CORO1C: variants seen among roughly 807,000 people sequenced by gnomAD.
CORO1C encodes coronin 1C, also known as coronin-1C.
CORO1C carries 14 observed loss-of-function variants against 51.2 expected under a neutral mutation model. That is an observed-to-expected ratio of 0.27 (90% CI 0.18 to 0.43). The LOEUF (loss-of-function observed/expected upper bound fraction) is 0.43, where lower values mean the gene tolerates loss of function less well. Among genes scored for constraint, CORO1C ranks in the 20% least tolerant of loss-of-function variants. The pLI, the probability that CORO1C is intolerant of heterozygous loss-of-function variation, is 1.00. For missense variants in CORO1C, 417 were observed against 607.8 expected (o/e 0.69, Z 3.30); for synonymous variants, 181 against 210.5 (o/e 0.86, Z 1.21).
At chr12:108,657,551 T>G in intron 5 of CORO1C, 128 bp from the exon 6 acceptor site, 1 of 920,464 alleles carries the variant, frequency 1.1e-6, no homozygotes, top group South Asian at 1.6e-5. Flanking sequence ...GGGAGGTCAG[T>G]GTTAACCATC....
intron 2 of CORO1C, among the ~76,000 whole-genome samples, chr12:108,683,203 A>G (rs1292886075): frequency 2.6e-5 from 4 of 152,162 alleles, no homozygotes; most frequent in African/African-American, 9.7e-5. Flanking sequence ...GCAGATCATG[A>G]GGTTAGGAGT....
intron 3 of CORO1C, 47 bp from the exon 4 acceptor site, chr12:108,662,205 T>C (rs2033294997): frequency 6.4e-7 from 1 of 1,567,596 alleles, no homozygotes. Flanking sequence ...CTATTGCCTT[T>C]CATTATCACA....
intron 1 of CORO1C, among the ~76,000 whole-genome samples, chr12:108,706,514 C>A (rs1257018255): frequency 4.6e-5 from 7 of 152,186 alleles, no homozygotes; most frequent in Non-Finnish European, 1.0e-4. Context: ...AAGACATGAT[C>A]TTATATACAG....
chr12:108,719,098 T>C (rs2136885067), intron 1 of CORO1C, among the ~76,000 whole-genome samples: 1 of 152,270 alleles, frequency 6.6e-6, no homozygotes, highest in Non-Finnish European at 1.5e-5. Flanking sequence ...CCAAATCCAT[T>C]TTCCTTCCAA....
rs748283648 is a variant in CORO1C at position 108,652,373 on chromosome 12, C to A, written c.900G>T (p.Pro300=). The part of the protein sequence containing the change: ...IRYFEITDES[P]YVHYLNTFSS... ...TGAATGTGTTGAGGTAGTGGACGTA[C>A]GGGGATTCATCCGTGATCTCAAAAT... The change falls in exon 8 of 11, where the codon CCG becomes CCT. Residue 300 remains proline, a synonymous_variant. Transcript: ENST00000261401. The A allele has an allele frequency of 1.2e-6, 2 of 1,613,670 alleles. No individual in the cohort carries two copies. The highest frequency in any genetic ancestry group is 2.2e-5 in the East Asian group (1 of 44,878).
intron 1 of CORO1C, among the ~76,000 whole-genome samples, chr12:108,711,578 G>A (rs2035181184): frequency 6.6e-6 from 1 of 151,744 alleles, no homozygotes; most frequent in Non-Finnish European, 1.5e-5. Context: ...TATTCGGGAG[G>A]CTAAGGTAGG....
intron 4 of CORO1C, among the ~76,000 whole-genome samples, chr12:108,660,053 G>A (rs887590987): frequency 2.0e-5 from 3 of 152,172 alleles, no homozygotes; most frequent in South Asian, 2.1e-4. Flanking sequence ...AGCAAAATAC[G>A]GGAAGGACAT....
At chr12:108,660,583 T>G (rs1201350509) in intron 4 of CORO1C, among the ~76,000 whole-genome samples, 2 of 151,792 alleles carry the variant, frequency 1.3e-5, no homozygotes, top group Non-Finnish European at 2.9e-5. Flanking sequence ...GGCAAACAGG[T>G]AACTTCAGCC....
intron 2 of CORO1C, among the ~76,000 whole-genome samples, chr12:108,684,122 C>T (rs1020874870): frequency 6.6e-6 from 1 of 152,024 alleles, no homozygotes; most frequent in East Asian, 1.9e-4. Context: ...CCAAACAGAA[C>T]GATGGGCAAA....
At chr12:108,690,308 C>A (rs1228199535) in intron 2 of CORO1C, among the ~76,000 whole-genome samples, 3 of 152,142 alleles carry the variant, frequency 2.0e-5, no homozygotes, top group African/African-American at 7.2e-5. Flanking sequence ...CTGGAATAAA[C>A]CCTACAGATT....
intron 2 of CORO1C, among the ~76,000 whole-genome samples, chr12:108,699,460 T>C (rs2034796093): frequency 6.6e-6 from 1 of 152,220 alleles, no homozygotes; most frequent in African/African-American, 2.4e-5. Flanking sequence ...GTCTTACATT[T>C]ATCCCTCAGT....
chr12:108,680,370 T>C (rs1310141323), intron 2 of CORO1C, among the ~76,000 whole-genome samples: 3 of 152,188 alleles, frequency 2.0e-5, no homozygotes, highest in African/African-American at 7.2e-5. Context: ...GCAACCCAGT[T>C]TGGATCTTCC....
At chr12:108,683,459 A>AAAAATAAGTAAC (rs144190846) in intron 2 of CORO1C, among the ~76,000 whole-genome samples, 71,258 of 147,972 alleles carry the variant, frequency 0.48, 17,592 homozygotes, top group South Asian at 0.69. Context: ...TCAGTGGAAA[A>AAAAATAAGTAAC]AAAATAAATA....
intron 1 of CORO1C, among the ~76,000 whole-genome samples, chr12:108,714,254 T>C (rs1339731305): frequency 6.6e-6 from 1 of 151,890 alleles, no homozygotes; most frequent in Non-Finnish European, 1.5e-5. Flanking sequence ...CAGGGCGTGG[T>C]GGCGCACAAC....
chr12:108,670,979 TAAAAGG>T (rs995722481), intron 3 of CORO1C, among the ~76,000 whole-genome samples: 4 of 125,476 alleles, frequency 3.2e-5, no homozygotes, highest in African/African-American at 9.1e-5. Flanking sequence ...CCAAAAGAAA[TAAAAGG>T]AAAAGAGCAA....
At chr12:108,661,351 CT>C (rs2033252022) in intron 4 of CORO1C, among the ~76,000 whole-genome samples, 1 of 152,052 alleles carries the variant, frequency 6.6e-6, no homozygotes, top group Non-Finnish European at 1.5e-5. Context: ...AGGAAGAGAG[CT>C]TAATGGCACG....
rs374908445 is a variant in CORO1C, at chr12:108,728,687, T to G, written c.-6+2742A>C. ...CTCAGAAAGGAGTACAGAATCTTGTTCACTCACTTTAAAGGATCTGAACTA... is the reference window on the plus strand; with the variant it reads ...CTCAGAAAGGAGTACAGAATCTTGTGCACTCACTTTAAAGGATCTGAACTA... On this transcript the variant is annotated intron_variant, in intron 1 of 10. Coordinates refer to ENST00000261401, the MANE Select transcript of CORO1C (RefSeq NM_014325.4). 8.5e-5 allele frequency among the ~76,000 whole-genome samples: 13 copies of G among 152,196 alleles called. 1 individual carries two copies. In the South Asian group the frequency reaches 2.3e-3, roughly 27 times the overall value.
chr12:108,724,884 A>T (rs894896016), intron 1 of CORO1C, among the ~76,000 whole-genome samples: 1 of 152,212 alleles, frequency 6.6e-6, no homozygotes, highest in Non-Finnish European at 1.5e-5. Context: ...TTAATGTAAG[A>T]TCCAAATGAC....
At chr12:108,688,009 C>T (rs1761616114) in intron 2 of CORO1C, among the ~76,000 whole-genome samples, 2 of 151,418 alleles carry the variant, frequency 1.3e-5, no homozygotes, top group African/African-American at 2.4e-5. Context: ...ATGCAACCTC[C>T]ACCTCCCAGG....
Sources: allele counts gnomAD v4.1 joint callset (sites outside exome capture counted in the v4.1 genomes callset), GRCh38; gene constraint gnomAD v4.1.1; transcripts MANE v1.5; gene names NCBI Gene and HGNC (gene_info 2026-07-23, HGNC 2026-07-21).